C6: variants seen among roughly 807,000 people sequenced by gnomAD.
C6 encodes the protein complement component C6.
In C6, 101 loss-of-function variants were observed where a neutral mutation model predicts 112.9. That is an observed-to-expected ratio of 0.89 (90% CI 0.76 to 1.06). The LOEUF (loss-of-function observed/expected upper bound fraction) is 1.06. Among genes scored for constraint, C6 ranks in the 50% least tolerant of loss-of-function variants. C6 has a pLI of 0.00. For synonymous variants in C6, 431 were observed against 384.1 expected (o/e 1.12, Z -1.43); for missense variants, 1,202 against 1,104.6 (o/e 1.09, Z -1.25).
chr5:41,243,798 G>T (rs555996913), intron 1 of C6, among the ~76,000 whole-genome samples: 2 of 152,128 alleles, frequency 1.3e-5, no homozygotes, highest in African/African-American at 4.8e-5. Context: ...GAGAGTTAAT[G>T]ATGCTAAGTA....
At chr5:41,221,934 G>A (rs1191802040) in intron 1 of C6, among the ~76,000 whole-genome samples, 2 of 152,110 alleles carry the variant, frequency 1.3e-5, no homozygotes, top group Non-Finnish European at 2.9e-5. Context: ...GGAGGCCAAG[G>A]CAGGTGGATC....
chr5:41,154,763 G>A (rs1371693857), intron 14 of C6, among the ~76,000 whole-genome samples: 1 of 152,174 alleles, frequency 6.6e-6, no homozygotes, highest in Non-Finnish European at 1.5e-5. Context: ...GTAATAGGTA[G>A]GAGCAGGAAC....
In C6 at chr5:41,213,502, A is replaced by G; in HGVS notation, c.-147T>C. 1.0e-6 allele frequency: 1 copy of G among 985,302 alleles called. No homozygotes were observed. The highest frequency in any genetic ancestry group is 1.2e-6 in the Non-Finnish European group (1 of 829,818). The allele number at this position is 985,302 out of a possible 1,614,324, so 61.0% of individuals were successfully genotyped here. A position where few individuals can be genotyped will look rare whatever the true frequency, so the allele number is the denominator to read the frequency against. On this transcript the variant is annotated 5_prime_UTR_variant, in exon 1 of 18. Coordinates refer to ENST00000337836, the MANE Select transcript of C6 (RefSeq NM_000065.5). The stretch of plus-strand genomic sequence containing the variant: ...GCTTCTTTTCTTATTGCTAGCTAAC[A>G]CAAGGCAATGCTGTCATATCCCAGA...
At chr5:41,230,087 A>G (rs1021843081) in intron 1 of C6, among the ~76,000 whole-genome samples, 7 of 152,148 alleles carry the variant, frequency 4.6e-5, no homozygotes, top group Non-Finnish European at 8.8e-5. Flanking sequence ...GTCTGTCTTT[A>G]CTTTAATCTC....
At chr5:41,172,440 T>C (rs1580107629) in intron 8 of C6, 93 bp from the exon 9 acceptor site, 2 of 1,201,904 alleles carry the variant, frequency 1.7e-6, no homozygotes, top group East Asian at 2.4e-5. Context: ...GATCTACAGA[T>C]ACTTTATATT....
chr5:41,157,650 G>A (rs1422027794), intron 13 of C6, among the ~76,000 whole-genome samples: 1 of 152,120 alleles, frequency 6.6e-6, no homozygotes, highest in African/African-American at 2.4e-5. Context: ...CCCAAAGTGT[G>A]GCTCCTAAAC....
chr5:41,155,244 C>T, intron 13 of C6, 140 bp from the exon 14 acceptor site: 1 of 757,738 alleles, frequency 1.3e-6, no homozygotes, highest in Non-Finnish European at 2.1e-6. Context: ...CTTCTAAAAA[C>T]CTGTTAAAGT....
chr5:41,255,762 G>A (rs1387770459), intron 1 of C6, among the ~76,000 whole-genome samples: 1 of 152,206 alleles, frequency 6.6e-6, no homozygotes, highest in East Asian at 1.9e-4. Flanking sequence ...AATTCCCAGA[G>A]AAGGGAATAT....
At chr5:41,176,444 G>T (rs1426761759) in intron 8 of C6, 31 bp downstream of exon 8, 5 of 1,609,262 alleles carry the variant, frequency 3.1e-6, no homozygotes, top group Non-Finnish European at 4.3e-6. Context: ...TATCATACCA[G>T]TTAAAAAGAG....
chr5:41,160,097 G>T, intron 11 of C6, 45 bp downstream of exon 11: 1 of 1,461,252 alleles, frequency 6.8e-7, no homozygotes, highest in Non-Finnish European at 9.6e-7. Context: ...AATACTCTTT[G>T]GAGGGGAAAA....
chr5:41,231,914 G>C (rs1473950289), intron 1 of C6, among the ~76,000 whole-genome samples: 2 of 151,568 alleles, frequency 1.3e-5, no homozygotes, highest in African/African-American at 4.8e-5. Flanking sequence ...GGCACAGTTA[G>C]AGTAGTGACA....
In C6 at chr5:41,142,554, T is replaced by A. The variant is rs1323167999; in HGVS notation, c.*271A>T. On this transcript the variant is annotated 3_prime_UTR_variant, in exon 18 of 18. Coordinates refer to ENST00000337836, the MANE Select transcript of C6 (RefSeq NM_000065.5). Reference sequence around the variant, plus strand: ...CATAAGGGCCTCAGAAGTCACATTATTTTTGTACAATGTGAACAGGAGAAT... The same window carrying A: ...CATAAGGGCCTCAGAAGTCACATTAATTTTGTACAATGTGAACAGGAGAAT... The A allele has an allele frequency of 2.1e-6, 1 of 483,390 alleles. No individual in the cohort carries two copies. The highest frequency in any genetic ancestry group is 3.8e-6 in the Non-Finnish European group (1 of 264,886). The allele number at this position is 483,390 out of a possible 1,614,324, so 29.9% of individuals were successfully genotyped here.
At chr5:41,150,690 C>T (rs1324959993) in intron 15 of C6, among the ~76,000 whole-genome samples, 2 of 152,026 alleles carry the variant, frequency 1.3e-5, no homozygotes, top group East Asian at 3.9e-4. Context: ...AGTTCGAGAA[C>T]AGCCTGGTCA....
chr5:41,218,466 G>A (rs1415526198), upstream of C6, among the ~76,000 whole-genome samples: 1 of 152,108 alleles, frequency 6.6e-6, no homozygotes, highest in African/African-American at 2.4e-5. Context: ...ATAAATAAAT[G>A]AATTATATGG....
At chr5:41,211,743 A>G (rs1283800332) in intron 1 of C6, among the ~76,000 whole-genome samples, 4 of 151,802 alleles carry the variant, frequency 2.6e-5, no homozygotes, top group Non-Finnish European at 1.5e-5. Context: ...TTTTTTTCTT[A>G]TTAGATGTTG....
chr5:41,160,347 C>T lies in C6; in HGVS notation c.1479G>A (p.Leu493=), dbSNP rs746406862. The T allele has an allele frequency of 1.2e-6, 2 of 1,613,528 alleles. No individual in the cohort carries two copies. Among genetic ancestry groups the T allele is most frequent in the East Asian group, 2.2e-5 (1 of 44,862 alleles). The change falls in exon 11 of 18, where the codon TTG becomes TTA. Residue 493 remains leucine, a synonymous_variant. Transcript: ENST00000337836. ...TCACTGCACAGGGGATGTTTCTTAC[C>T]AAGTCCACGATGGGGGCAAGCTAGG... ...IDFELAPIVD[L]VRNIPCAVTK... is the part of the protein sequence containing the mutation.
At chr5:41,247,186 A>G (rs2921184) in intron 1 of C6, among the ~76,000 whole-genome samples, 135,231 of 151,988 alleles carry the variant, frequency 0.89, 60,312 homozygotes, top group Admixed American at 0.93. Context: ...CCTAGCCAGA[A>G]CAATCAGGCA....
At chr5:41,172,434 T>A in intron 8 of C6, 87 bp from the exon 9 acceptor site, 2 of 1,301,324 alleles carry the variant, frequency 1.5e-6, no homozygotes, top group Non-Finnish European at 2.2e-6. Flanking sequence ...ACTTCGGATC[T>A]ACAGATACTT....
At position 41,188,256 on chromosome 5, in the gene C6, T is replaced by C. The variant is rs150578617; in HGVS notation, c.588-2048A>G. Among the ~76,000 whole-genome samples, 416 of 152,236 alleles carry C rather than the reference T, an allele frequency of 2.7e-3. 2 individuals are homozygous for C. The highest frequency in any genetic ancestry group is 9.6e-3 in the African/African-American group (399 of 41,564). On this transcript the variant is annotated intron_variant, in intron 5 of 17. Coordinates refer to ENST00000337836, the MANE Select transcript of C6 (RefSeq NM_000065.5). ...ATCATTATCAAAATCTCAGCTGCCT[T>C]TTTTTGGTAAAAATTCACAAGACAA... is the stretch of plus-strand genomic sequence containing the variant.
Sources: allele counts gnomAD v4.1 joint callset (sites outside exome capture counted in the v4.1 genomes callset), GRCh38; gene constraint gnomAD v4.1.1; transcripts MANE v1.5; gene names NCBI Gene and HGNC (gene_info 2026-07-23, HGNC 2026-07-21).